Variants in CWC27 observed in about 807,000 individuals in gnomAD.
CWC27 encodes spliceosome-associated protein CWC27 homolog.
CWC27 carries 47 observed loss-of-function variants against 63.6 expected under a neutral mutation model. That is an observed-to-expected ratio of 0.74 (90% CI 0.58 to 0.94). The LOEUF is 0.94. CWC27 is among the 40% of genes least tolerant of loss of function. CWC27 has a pLI of 0.00. For missense variants in CWC27, 495 were observed against 554.3 expected, an observed-to-expected ratio of 0.89 and a Z score of 1.07; for synonymous variants, 175 against 179.8, an observed-to-expected ratio of 0.97 and a Z score of 0.22.
intron 7 of CWC27, among the ~76,000 whole-genome samples, chr5:64,797,744 C>T (rs1744330750): frequency 6.6e-6 from 1 of 152,078 alleles, no homozygotes; most frequent in African/African-American, 2.4e-5. Flanking sequence ...TAAAATCGCT[C>T]TTAGTGGTTT....
At chr5:64,790,947 GT>G (rs199660407) in intron 7 of CWC27, among the ~76,000 whole-genome samples, 1 of 151,960 alleles carries the variant, frequency 6.6e-6, no homozygotes, top group Admixed American at 6.6e-5. Flanking sequence ...TGAACTGAGG[GT>G]TTTTTTAGCT....
At chr5:64,824,006 G>C (rs115191842) in intron 10 of CWC27, among the ~76,000 whole-genome samples, 1 of 152,004 alleles carries the variant, frequency 6.6e-6, no homozygotes, top group Non-Finnish European at 1.5e-5. Context: ...CAAAAATAAC[G>C]TGTCTACCAA....
At chr5:64,961,403 C>CATAT (rs58567800) in intron 11 of CWC27, among the ~76,000 whole-genome samples, 3 of 149,906 alleles carry the variant, frequency 2.0e-5, no homozygotes, top group African/African-American at 7.3e-5. Flanking sequence ...CAAGCCCTTT[C>CATAT]ATATATATAT....
At chr5:64,930,460 A>T (rs533382790) in intron 11 of CWC27, among the ~76,000 whole-genome samples, 31 of 152,312 alleles carry the variant, frequency 2.0e-4, no homozygotes, top group Admixed American at 2.0e-3. Context: ...ATTGGGTAGA[A>T]AAATAGGAAT....
At chr5:64,906,073 C>A (rs1283378364) in intron 11 of CWC27, among the ~76,000 whole-genome samples, 1 of 152,134 alleles carries the variant, frequency 6.6e-6, no homozygotes, top group Non-Finnish European at 1.5e-5. Context: ...TTAATCCAGT[C>A]TATCATTGAT....
At chr5:64,900,025 A>T (rs1747464686) in intron 11 of CWC27, among the ~76,000 whole-genome samples, 1 of 152,218 alleles carries the variant, frequency 6.6e-6, no homozygotes, top group Non-Finnish European at 1.5e-5. Flanking sequence ...GTATTCCATT[A>T]TATAGATATA....
chr5:64,875,149 AAAG>A (rs1746767038), intron 10 of CWC27, among the ~76,000 whole-genome samples: 1 of 152,134 alleles, frequency 6.6e-6, no homozygotes. Flanking sequence ...GTTTTGAAAA[AAAG>A]AATAAAATTT....
At chr5:64,791,121 G>A (rs151283917) in intron 7 of CWC27, among the ~76,000 whole-genome samples, 1 of 152,268 alleles carries the variant, frequency 6.6e-6, no homozygotes, top group African/African-American at 2.4e-5. Flanking sequence ...ATCCCACAGG[G>A]TCCTGGATAG....
intron 13 of CWC27, among the ~76,000 whole-genome samples, chr5:65,002,660 G>C (rs568211424): frequency 2.3e-3 from 343 of 152,074 alleles, no homozygotes; most frequent in Non-Finnish European, 4.0e-3. Context: ...TAGGTGATAT[G>C]ATTTTGATTT....
chr5:64,813,469 T>C (rs887682792), intron 10 of CWC27, among the ~76,000 whole-genome samples: 1 of 152,168 alleles, frequency 6.6e-6, no homozygotes, highest in Non-Finnish European at 1.5e-5. Context: ...AGATTTTGTA[T>C]GGCAGACAGG....
At chr5:64,798,872 C>T (rs1027497260) in intron 7 of CWC27, among the ~76,000 whole-genome samples, 2 of 152,146 alleles carry the variant, frequency 1.3e-5, no homozygotes, top group African/African-American at 2.4e-5. Context: ...TTTCTGTCAA[C>T]TCTAATCTCT....
chr5:64,808,878 C>T (rs1993623), intron 10 of CWC27, among the ~76,000 whole-genome samples: 61,092 of 151,984 alleles, frequency 0.4, 13,602 homozygotes, highest in African/African-American at 0.59. Flanking sequence ...TCAGAATTGT[C>T]TGGTCTGAGG....
At chr5:64,989,436 A>C (rs528132760) in intron 13 of CWC27, among the ~76,000 whole-genome samples, 1 of 152,304 alleles carries the variant, frequency 6.6e-6, no homozygotes, top group East Asian at 1.9e-4. Flanking sequence ...TTTTTTCTTT[A>C]AAAAAAGATT....
At chr5:64,841,699 G>A (rs1220843673) in intron 10 of CWC27, among the ~76,000 whole-genome samples, 1 of 152,056 alleles carries the variant, frequency 6.6e-6, no homozygotes, top group South Asian at 2.1e-4. Flanking sequence ...TTTTGAGGTG[G>A]AGTTTTGCTC....
Position 64,783,991 on chromosome 5 carries a change from G to A in CWC27, c.396+12G>A. On this transcript the variant is annotated intron_variant, in intron 4 of 13. Coordinates refer to ENST00000381070, the MANE Select transcript of CWC27 (RefSeq NM_005869.4). ...CCATCTTTGGAAAGGTTAGTGTCCA[G>A]TGATTTTAAACCTGTGGTTCAGTTT... 6.4e-7 allele frequency: 1 copy of A among 1,553,290 alleles called. No homozygotes were observed. Among genetic ancestry groups the A allele is most frequent in the Non-Finnish European group, 8.7e-7 (1 of 1,152,766 alleles).
intron 10 of CWC27, among the ~76,000 whole-genome samples, chr5:64,847,236 G>T (rs1746005946): frequency 1.3e-5 from 2 of 152,104 alleles, no homozygotes; most frequent in Admixed American, 1.3e-4. Context: ...AGTAGGGGTA[G>T]CTATACATAC....
chr5:64,949,395 A>C (rs1183571353), intron 11 of CWC27, among the ~76,000 whole-genome samples: 2 of 152,006 alleles, frequency 1.3e-5, no homozygotes, highest in Non-Finnish European at 2.9e-5. Flanking sequence ...TCTGAGCTTT[A>C]ATGTCCTACC....
chr5:64,796,845 C>T (rs1426575941), intron 7 of CWC27, among the ~76,000 whole-genome samples: 1 of 124,658 alleles, frequency 8.0e-6, no homozygotes, highest in Non-Finnish European at 1.7e-5. Flanking sequence ...TCCTTCTTCC[C>T]TCCCTCCCTC....
At chr5:64,888,636 A>T (rs1174136704) in intron 11 of CWC27, among the ~76,000 whole-genome samples, 3 of 150,994 alleles carry the variant, frequency 2.0e-5, no homozygotes, top group African/African-American at 4.8e-5. Flanking sequence ...TGAAGTAAGG[A>T]TGTAAATAAC....
Sources: allele counts gnomAD v4.1 joint callset (sites outside exome capture counted in the v4.1 genomes callset), GRCh38; gene constraint gnomAD v4.1.1; transcripts MANE v1.5; gene names NCBI Gene and HGNC (gene_info 2026-07-23, HGNC 2026-07-21).